Variants in KCNMB2 observed in about 807,000 individuals in gnomAD.
The protein encoded by KCNMB2 is potassium calcium-activated channel subfamily M regulatory beta subunit 2, also known as calcium-activated potassium channel subunit beta-2.
A neutral mutation model predicts 24.5 loss-of-function variants in KCNMB2; 9 were observed. The observed-to-expected ratio is 0.37, with a 90% confidence interval of 0.22 to 0.64. The LOEUF is 0.64. Among genes scored for constraint, KCNMB2 ranks in the 30% least tolerant of loss-of-function variants. The pLI, the probability that KCNMB2 is intolerant of heterozygous loss-of-function variation, is 0.63. For synonymous variants in KCNMB2, 109 were observed against 104.4 expected (o/e 1.04, Z -0.27); for missense variants, 226 against 284.3 (o/e 0.79, Z 1.47).
chr3:178,568,831 T>TAGATGATAGATA (rs1491104471), intron 1 of KCNMB2, among the ~76,000 whole-genome samples: 1 of 116,172 alleles, frequency 8.6e-6, no homozygotes, highest in African/African-American at 3.2e-5. Context: ...GATAGATAGA[T>TAGATGATAGATA]GATAGATAGA....
In KCNMB2 at chr3:178,783,558, T is replaced by C. The variant is rs1184467083; in HGVS notation, c.-67-23785T>C. Among the ~76,000 whole-genome samples, 866 of 147,710 alleles carry C rather than the reference T, an allele frequency of 5.9e-3. 9 individuals are homozygous for C. The highest frequency in any genetic ancestry group is 0.021 in the African/African-American group (821 of 39,542). Reference sequence around the variant, plus strand: ...TATTTTATTCTCTTTGAAGCAATTGTGAATGGGAGTTCACTCATGATTTGG... The same window carrying C: ...TATTTTATTCTCTTTGAAGCAATTGCGAATGGGAGTTCACTCATGATTTGG... On this transcript the variant is annotated intron_variant, in intron 1 of 4. Coordinates refer to ENST00000452583, the MANE Select transcript of KCNMB2 (RefSeq NM_181361.3).
intron 2 of KCNMB2, among the ~76,000 whole-genome samples, chr3:178,817,512 A>T (rs1386785842): frequency 3.9e-5 from 6 of 152,156 alleles, no homozygotes; most frequent in Non-Finnish European, 8.8e-5. Context: ...ATATGAAATA[A>T]CAGGTGTGTT....
intron 2 of KCNMB2, among the ~76,000 whole-genome samples, chr3:178,809,164 G>C (rs1016712441): frequency 2.0e-5 from 3 of 152,178 alleles, no homozygotes; most frequent in African/African-American, 4.8e-5. Flanking sequence ...AGTGCAGAAA[G>C]ACAGAGGTTT....
chr3:178,746,519 CT>C (rs1229347731), intron 1 of KCNMB2, among the ~76,000 whole-genome samples: 3 of 152,200 alleles, frequency 2.0e-5, no homozygotes, highest in Admixed American at 2.0e-4. Context: ...CTTTCGGCTC[CT>C]TGTTACTTAT....
At chr3:178,571,162 T>C (rs971262476) in intron 1 of KCNMB2, among the ~76,000 whole-genome samples, 2 of 152,068 alleles carry the variant, frequency 1.3e-5, no homozygotes, top group Non-Finnish European at 2.9e-5. Flanking sequence ...TTCTTTCTAC[T>C]TTTTAGTTGC....
intron 1 of KCNMB2, among the ~76,000 whole-genome samples, chr3:178,604,509 A>T (rs1249773750): frequency 6.6e-6 from 1 of 152,152 alleles, no homozygotes; most frequent in East Asian, 1.9e-4. Flanking sequence ...TCTCCTCATA[A>T]CCTAAAATTA....
At chr3:178,646,794 C>A (rs1163251360) in intron 1 of KCNMB2, among the ~76,000 whole-genome samples, 1 of 152,170 alleles carries the variant, frequency 6.6e-6, no homozygotes, top group East Asian at 1.9e-4. Context: ...CATTTATCCT[C>A]CACTCAATAA....
chr3:178,842,742 C>T lies in KCNMB2; in HGVS notation c.513C>T (p.His171=), dbSNP rs758356323. 2.5e-6 allele frequency: 4 copies of T among 1,613,338 alleles called. No individual in the cohort carries two copies. The highest frequency in any genetic ancestry group is 1.7e-5 in the Admixed American group (1 of 60,022). ...VVMENFRKYQ[H]FSCYSDPEGN... is the part of the protein sequence containing the mutation. The stretch of plus-strand genomic sequence containing the variant: ...TGGAAAACTTCAGGAAGTATCAACA[C>T]TTCTCCTGCTATTCTGACCCAGAAG... The change falls in exon 5 of 5, where the codon CAC becomes CAT. Residue 171 remains histidine, a synonymous_variant. Coordinates refer to ENST00000452583, the MANE Select transcript of KCNMB2 (RefSeq NM_181361.3).
intron 1 of KCNMB2, among the ~76,000 whole-genome samples, chr3:178,667,635 C>CA (rs985472817): frequency 1.5e-4 from 23 of 151,446 alleles, no homozygotes; most frequent in African/African-American, 4.8e-4. Context: ...AATTTACAGC[C>CA]AAAAAAAAGA....
At chr3:178,804,361 C>A (rs1713883603) in intron 1 of KCNMB2, among the ~76,000 whole-genome samples, 1 of 152,156 alleles carries the variant, frequency 6.6e-6, no homozygotes, top group African/African-American at 2.4e-5. Context: ...TTAACCTGCA[C>A]AGAACCTTTG....
At chr3:178,781,514 C>G (rs1017465842) in intron 1 of KCNMB2, among the ~76,000 whole-genome samples, 2 of 152,034 alleles carry the variant, frequency 1.3e-5, no homozygotes, top group African/African-American at 4.8e-5. Flanking sequence ...ATTGCTTGAG[C>G]CAAGGAGACA....
At chr3:178,553,690 C>G (rs1364395201) in intron 1 of KCNMB2, among the ~76,000 whole-genome samples, 1 of 152,078 alleles carries the variant, frequency 6.6e-6, no homozygotes, top group Non-Finnish European at 1.5e-5. Flanking sequence ...GGCGCGCATG[C>G]TATCACACCC....
At chr3:178,739,997 A>T (rs1475410010) in intron 1 of KCNMB2, among the ~76,000 whole-genome samples, 1 of 152,190 alleles carries the variant, frequency 6.6e-6, no homozygotes, top group Admixed American at 6.5e-5. Flanking sequence ...CCTACTCTTG[A>T]CAAATCTTCC....
chr3:178,747,502 G>C (rs544824333), intron 1 of KCNMB2, among the ~76,000 whole-genome samples: 61 of 152,236 alleles, frequency 4.0e-4, no homozygotes, highest in Admixed American at 1.3e-3. Context: ...ATCTTATAAT[G>C]AAAATTATCT....
chr3:178,602,907 G>A (rs1718139218), intron 1 of KCNMB2, among the ~76,000 whole-genome samples: 2 of 152,176 alleles, frequency 1.3e-5, no homozygotes, highest in African/African-American at 4.8e-5. Context: ...ACCACATACT[G>A]AGAACCACTA....
intron 1 of KCNMB2, among the ~76,000 whole-genome samples, chr3:178,686,254 G>A (rs894943753): frequency 6.6e-6 from 1 of 152,148 alleles, no homozygotes; most frequent in African/African-American, 2.4e-5. Flanking sequence ...GTTCTACGTG[G>A]CATGGGAGAC....
chr3:178,649,333 T>C (rs902283600), intron 1 of KCNMB2, among the ~76,000 whole-genome samples: 3 of 152,176 alleles, frequency 2.0e-5, no homozygotes, highest in African/African-American at 7.2e-5. Flanking sequence ...TTCATATTTT[T>C]ACTATTCTTG....
intron 1 of KCNMB2, among the ~76,000 whole-genome samples, chr3:178,715,872 G>A (rs1415767989): frequency 6.6e-6 from 1 of 152,174 alleles, no homozygotes; most frequent in African/African-American, 2.4e-5. Context: ...GGCCCTGGGA[G>A]AACAGAAGTC....
intron 1 of KCNMB2, among the ~76,000 whole-genome samples, chr3:178,550,216 C>A (rs567933117): frequency 6.6e-6 from 1 of 151,382 alleles, no homozygotes; most frequent in African/African-American, 2.4e-5. Flanking sequence ...TTTGGGAGGC[C>A]GAGGCGGGCG....
Sources: gnomAD v4.1 joint callset for allele counts (sites outside exome capture counted in the v4.1 genomes callset) on GRCh38, gnomAD v4.1.1 for gene constraint, MANE v1.5 for transcripts, NCBI Gene and HGNC (gene_info 2026-07-23, HGNC 2026-07-21) for gene names.